Variants in FANCA observed in about 807,000 individuals in gnomAD.
FANCA encodes Fanconi anemia group A protein.
In FANCA, 236 loss-of-function variants were observed where a neutral mutation model predicts 194.3. That is an observed-to-expected ratio of 1.21 (90% CI 1.09 to 1.35). The LOEUF is 1.35. Among genes scored for constraint, FANCA ranks in the 40% most tolerant of loss-of-function variants. The pLI is 0.00. For synonymous variants in FANCA, 1,014 were observed against 715.8 expected, an observed-to-expected ratio of 1.42 and a Z score of -6.65; for missense variants, 2,628 against 1,813.9, an observed-to-expected ratio of 1.45 and a Z score of -8.15.
chr16:89,740,889 A>G (rs1244604066), intron 37 of FANCA, 23 bp from the exon 38 acceptor site: 2 of 1,589,340 alleles, frequency 1.3e-6, no homozygotes, highest in African/African-American at 1.3e-5. Context: ...ACGTGCACTT[A>G]TTATTACATT....
chr16:89,775,110 G>A (rs945105194), intron 21 of FANCA, among the ~76,000 whole-genome samples: 2 of 151,804 alleles, frequency 1.3e-5, no homozygotes, highest in Admixed American at 6.6e-5. Context: ...AGCCCACAGG[G>A]AAGCAGCAGC....
chr16:89,770,374 T>C (rs763961261), intron 24 of FANCA, 115 bp from the exon 25 acceptor site: 26 of 1,072,566 alleles, frequency 2.4e-5, no homozygotes, highest in Non-Finnish European at 3.6e-5. Context: ...CCCAAAACAG[T>C]GGTCTTTCTG....
chr16:89,761,608 G>A (rs754296504), intron 29 of FANCA, among the ~76,000 whole-genome samples: 16 of 151,932 alleles, frequency 1.1e-4, no homozygotes, highest in Non-Finnish European at 1.9e-4. Context: ...GTGGAAAACC[G>A]TGTAACATTT....
intron 17 of FANCA, among the ~76,000 whole-genome samples, chr16:89,781,571 G>C (rs535381917): frequency 1.3e-5 from 2 of 150,878 alleles, no homozygotes; most frequent in East Asian, 3.9e-4. Flanking sequence ...AGCTACTGGA[G>C]AGGCTGAGGC....
chr16:89,756,323 C>A (rs533819439), intron 30 of FANCA, among the ~76,000 whole-genome samples: 33 of 152,124 alleles, frequency 2.2e-4, no homozygotes, highest in Non-Finnish European at 1.5e-4. Context: ...CACTTAATAC[C>A]CACTAGGATG....
At chr16:89,758,463 C>T in intron 30 of FANCA, 114 bp downstream of exon 30, 4 of 1,326,770 alleles carry the variant, frequency 3.0e-6, no homozygotes, top group South Asian at 1.2e-5. Context: ...CTGGGAAAGG[C>T]AGACCCACCC....
At chr16:89,744,363 G>A (rs1357489592) in intron 36 of FANCA, among the ~76,000 whole-genome samples, 1 of 152,216 alleles carries the variant, frequency 6.6e-6, no homozygotes, top group African/African-American at 2.4e-5. Flanking sequence ...ACATTCAGCA[G>A]GTGGAGTGGC....
chr16:89,810,360 G>A (rs567122753), intron 5 of FANCA, among the ~76,000 whole-genome samples: 18 of 150,782 alleles, frequency 1.2e-4, no homozygotes, highest in African/African-American at 3.4e-4. Context: ...GCAACAAGGC[G>A]AGACCCTGTC....
At chr16:89,796,977 C>T (rs112443034) in intron 10 of FANCA, among the ~76,000 whole-genome samples, 3 of 151,208 alleles carry the variant, frequency 2.0e-5, no homozygotes, top group African/African-American at 4.8e-5. Context: ...GCCAACCCAA[C>T]GAAACCCCAT....
chr16:89,740,227 G>T, intron 38 of FANCA, 128 bp from the exon 39 acceptor site: 1 of 836,564 alleles, frequency 1.2e-6, no homozygotes, highest in Non-Finnish European at 2.1e-6. Context: ...ACTGGTGACA[G>T]TTTTACCTAT....
At chr16:89,794,029 C>T (rs1046289401) in intron 11 of FANCA, among the ~76,000 whole-genome samples, 2 of 152,074 alleles carry the variant, frequency 1.3e-5, no homozygotes, top group African/African-American at 2.4e-5. Flanking sequence ...GGATTACAGG[C>T]GTGAGCCACT....
intron 14 of FANCA, among the ~76,000 whole-genome samples, chr16:89,785,185 C>T (rs1025062090): frequency 6.6e-6 from 1 of 152,194 alleles, no homozygotes; most frequent in African/African-American, 2.4e-5. Context: ...AAAAGAGAAA[C>T]ACCAAAAAGT....
chr16:89,813,068 A>C (rs2040963193), intron 3 of FANCA, among the ~76,000 whole-genome samples: 1 of 151,766 alleles, frequency 6.6e-6, no homozygotes. Context: ...ATAGTTCTAG[A>C]AGCTTAAAAT....
At chr16:89,768,042 G>C (rs2039191852) in intron 26 of FANCA, among the ~76,000 whole-genome samples, 1 of 152,178 alleles carries the variant, frequency 6.6e-6, no homozygotes, top group Non-Finnish European at 1.5e-5. Context: ...CCAGGCTGGA[G>C]TGCAGTCGCA....
chr16:89,797,747 G>C (rs777789477), intron 10 of FANCA, among the ~76,000 whole-genome samples: 38 of 152,128 alleles, frequency 2.5e-4, no homozygotes, highest in Admixed American at 3.9e-4. Context: ...CTATAGGCTT[G>C]TGCCAGGTGT....
chr16:89,776,100 C>G (rs1455948925), intron 20 of FANCA, among the ~76,000 whole-genome samples: 1 of 147,842 alleles, frequency 6.8e-6, no homozygotes, highest in Non-Finnish European at 1.5e-5. Context: ...TAAATTATTT[C>G]TATTTCTCTC....
At position 89,737,670 on chromosome 16, in the gene FANCA, C is replaced by T; in HGVS notation, c.*931G>A. The stretch of plus-strand genomic sequence containing the variant: ...TTAATAAACGAGGCCCTCATAGGCC[C>T]CTTGCTTGGGCCCACTGCATGGTGA... On this transcript the variant is annotated 3_prime_UTR_variant, in exon 43 of 43. Transcript: ENST00000389301. The T allele has an allele frequency of 6.6e-7, 1 of 1,512,774 alleles. No individual in the cohort carries two copies. Among genetic ancestry groups the T allele is most frequent in the East Asian group, 2.3e-5 (1 of 42,806 alleles). The allele number at this position is 1,512,774 out of a possible 1,614,324, so 93.7% of individuals were successfully genotyped here. A position where few individuals can be genotyped will look rare whatever the true frequency, so the allele number is the denominator to read the frequency against.
In FANCA at chr16:89,799,043, G is replaced by A. The variant is rs1341610036; in HGVS notation, c.893+123C>T. 4.3e-6 allele frequency: 7 copies of A among 1,614,272 alleles called. No individual in the cohort carries two copies. The East Asian group carries it at 8.9e-5, about 21-fold the overall frequency. Reference sequence around the variant, plus strand: ...CTCCTCACGCACGTTATCGTAACTGGCAGAGGAAGTGTGCTCAGGAGCGGG... The same window carrying A: ...CTCCTCACGCACGTTATCGTAACTGACAGAGGAAGTGTGCTCAGGAGCGGG... On this transcript the variant is annotated intron_variant, in intron 10 of 42. Transcript: ENST00000389301.
chr16:89,770,494 G>T, intron 24 of FANCA, 70 bp downstream of exon 24: 1 of 1,418,824 alleles, frequency 7.0e-7, no homozygotes, highest in South Asian at 1.2e-5. Context: ...TCCCTGGTCT[G>T]CAGACTTGGC....
Sources: allele counts gnomAD v4.1 joint callset (sites outside exome capture counted in the v4.1 genomes callset), GRCh38; gene constraint gnomAD v4.1.1; transcripts MANE v1.5; gene names NCBI Gene and HGNC (gene_info 2026-07-23, HGNC 2026-07-21).